Variants in MTRF1 observed in about 807,000 individuals in gnomAD.
MTRF1 encodes peptide chain release factor 1, mitochondrial.
MTRF1 carries 51 observed loss-of-function variants against 62.9 expected under a neutral mutation model. The observed-to-expected ratio is 0.81, with a 90% CI of 0.65 to 1.02. The LOEUF (loss-of-function observed/expected upper bound fraction) is 1.02, where lower values mean the gene tolerates loss of function less well. MTRF1 is among the 50% of genes least tolerant of loss of function. MTRF1 has a pLI of 0.00. For synonymous variants in MTRF1, 158 were observed against 181.9 expected (o/e 0.87, Z 1.06); for missense variants, 446 against 530.0 (o/e 0.84, Z 1.56).
chr13:41,279,120 C>G, the MTRF1 span, among the ~76,000 whole-genome samples: 1 of 152,170 alleles, frequency 6.6e-6, no homozygotes, highest in Non-Finnish European at 1.5e-5. Flanking sequence ...TCCTGAGTAG[C>G]TGGGATTACA....
In MTRF1 at chr13:41,244,014, C is replaced by T. The variant is rs534688544; in HGVS notation, c.698-3581G>A. The stretch of plus-strand genomic sequence containing the variant: ...ATTCCCCTTAGCCCTCAATTAGTCC[C>T]AGTTCTTCAGGTAACTGCATATTTA... On this transcript the variant is annotated intron_variant, in intron 5 of 9. Transcript: ENST00000379480. 2.0e-5 allele frequency among the ~76,000 whole-genome samples: 3 copies of T among 152,296 alleles called. No individual in the cohort carries two copies. In the South Asian group the frequency reaches 6.2e-4, roughly 32 times the overall value.
chr13:41,247,890 T>A (rs1163886636), intron 5 of MTRF1, among the ~76,000 whole-genome samples: 2 of 152,146 alleles, frequency 1.3e-5, no homozygotes, highest in Admixed American at 1.3e-4. Context: ...CTAAAACTCA[T>A]TGATCATCTG....
chr13:41,302,491 A>G, the MTRF1 span, among the ~76,000 whole-genome samples: 1 of 151,988 alleles, frequency 6.6e-6, no homozygotes, highest in Non-Finnish European at 1.5e-5. Flanking sequence ...GCCCCAATAC[A>G]GGGAAGAAAA....
At chr13:41,268,393 A>T (rs1347261224), upstream of MTRF1, among the ~76,000 whole-genome samples, 1 of 152,220 alleles carries the variant, frequency 6.6e-6, no homozygotes, top group Non-Finnish European at 1.5e-5. Flanking sequence ...TCAAATATCG[A>T]AGGTTTAAAA....
At chr13:41,311,109 G>C in the MTRF1 span, 1 of 270,330 alleles carries the variant, frequency 3.7e-6, no homozygotes. Flanking sequence ...TGAGCCCCAG[G>C]GGGTGCCGAG....
At chr13:41,276,804 C>T in the MTRF1 span, among the ~76,000 whole-genome samples, 1 of 152,132 alleles carries the variant, frequency 6.6e-6, no homozygotes, top group Non-Finnish European at 1.5e-5. Flanking sequence ...GATTGCCAGC[C>T]ATTATTCCAA....
At chr13:41,225,916 A>G (rs1374760939) in intron 8 of MTRF1, among the ~76,000 whole-genome samples, 3 of 152,052 alleles carry the variant, frequency 2.0e-5, no homozygotes, top group Non-Finnish European at 4.4e-5. Flanking sequence ...TGAAAAAGTA[A>G]CACTATATCA....
At chr13:41,248,652 G>A (rs149766597) in intron 5 of MTRF1, among the ~76,000 whole-genome samples, 2 of 152,170 alleles carry the variant, frequency 1.3e-5, no homozygotes, top group Non-Finnish European at 2.9e-5. Context: ...TATGTTTCTC[G>A]CAGTTGTGGT....
At chr13:41,280,999 A>G in the MTRF1 span, among the ~76,000 whole-genome samples, 12 of 152,160 alleles carry the variant, frequency 7.9e-5, no homozygotes, top group Admixed American at 7.2e-4. Flanking sequence ...AAGAAACTAC[A>G]ATCATTATAG....
rs1566070587 is a variant in MTRF1 at position 41,226,525 on chromosome 13, A to AT, written c.1031dup (p.Asn344LysfsTer2). On this transcript the variant is annotated frameshift_variant, in exon 8 of 10. Transcript: ENST00000379480. LOFTEE classifies it high-confidence loss of function. ...TCAACACACGAAAGGCTATTTCTTTATTTTTTATCTGTGATCTTTCTTGTT... is the reference window on the plus strand; with the variant it reads ...TCAACACACGAAAGGCTATTTCTTTATTTTTTTATCTGTGATCTTTCTTGTT... 3.1e-6 allele frequency: 5 copies of AT among 1,613,858 alleles called. No homozygotes were observed. The highest frequency in any genetic ancestry group is 4.2e-6 in the Non-Finnish European group (5 of 1,179,932).
chr13:41,278,738 C>T, the MTRF1 span, among the ~76,000 whole-genome samples: 7 of 152,180 alleles, frequency 4.6e-5, no homozygotes, highest in Admixed American at 6.5e-5. Flanking sequence ...AGATGAAGAA[C>T]TAATAAGCCA....
chr13:41,311,205 A>C, the MTRF1 span: 2 of 467,128 alleles, frequency 4.3e-6, no homozygotes, highest in Admixed American at 4.2e-5. Context: ...GCCCCTCGCC[A>C]AAGGGCGCTC....
intron 1 of MTRF1, among the ~76,000 whole-genome samples, chr13:41,262,856 C>T (rs2040620057): frequency 6.6e-6 from 1 of 152,110 alleles, no homozygotes; most frequent in Non-Finnish European, 1.5e-5. Flanking sequence ...TCCTACTATG[C>T]TAGGAGGTGC....
the MTRF1 span, among the ~76,000 whole-genome samples, chr13:41,270,859 T>A: frequency 6.6e-6 from 1 of 152,096 alleles, no homozygotes; most frequent in African/African-American, 2.4e-5. Context: ...TGCCTCAGCC[T>A]CTCAAGTAGC....
At chr13:41,295,769 G>A in the MTRF1 span, among the ~76,000 whole-genome samples, 7,490 of 151,898 alleles carry the variant, frequency 0.049, 247 homozygotes, top group Non-Finnish European at 0.07. Context: ...TTTGTTTTTC[G>A]GATTTTTGTT....
At chr13:41,222,199 T>C (rs1350604449) in intron 9 of MTRF1, among the ~76,000 whole-genome samples, 1 of 152,152 alleles carries the variant, frequency 6.6e-6, no homozygotes, top group Admixed American at 6.5e-5. Context: ...TTCCACATAG[T>C]CCTTTATGGG....
chr13:41,274,419 C>G, the MTRF1 span, among the ~76,000 whole-genome samples: 12 of 152,036 alleles, frequency 7.9e-5, no homozygotes, highest in Non-Finnish European at 1.5e-4. Flanking sequence ...AAAGTTATGA[C>G]CCTTGTACAA....
At chr13:41,270,544 A>G in the MTRF1 span, among the ~76,000 whole-genome samples, 1 of 152,180 alleles carries the variant, frequency 6.6e-6, no homozygotes, top group African/African-American at 2.4e-5. Context: ...TCACTACCCT[A>G]GGCAGTTGTT....
chr13:41,236,402 T>A (rs1406360694), intron 6 of MTRF1: 1 of 152,194 alleles, frequency 6.6e-6, no homozygotes, highest in Non-Finnish European at 1.5e-5. Context: ...CATGAGCCAC[T>A]GTGCCCGGCC....
Sources: gnomAD v4.1 joint callset for allele counts (sites outside exome capture counted in the v4.1 genomes callset) on GRCh38, gnomAD v4.1.1 for gene constraint, MANE v1.5 for transcripts, NCBI Gene and HGNC (gene_info 2026-07-23, HGNC 2026-07-21) for gene names.